The following MARCHF5 variants were observed in gnomAD, a reference collection of about 807,000 sequenced individuals.
MARCHF5 encodes the protein membrane associated ring-CH-type finger 5.
MARCHF5 carries 5 observed loss-of-function variants against 36.5 expected under a neutral mutation model. The ratio of observed to expected loss-of-function variants is 0.14; its 90% CI spans 0.07 to 0.29. The LOEUF is 0.29. MARCHF5 is among the 10% of genes least tolerant of loss of function. The probability of loss-of-function intolerance (pLI) is 1.00; values close to 1 mark genes in which losing one functional copy is unlikely to be tolerated. For synonymous variants in MARCHF5, 103 were observed against 109.9 expected (o/e 0.94, Z 0.39); for missense variants, 179 against 336.3 (o/e 0.53, Z 3.66).
intron 2 of MARCHF5, among the ~76,000 whole-genome samples, chr10:92,328,823 T>A (rs1268996663): frequency 4.2e-4 from 55 of 130,812 alleles, no homozygotes; most frequent in African/African-American, 1.0e-3. Flanking sequence ...ATATATATAT[T>A]TTTTTTTTTT....
intron 3 of MARCHF5, among the ~76,000 whole-genome samples, chr10:92,347,989 C>T (rs1298191656): frequency 1.3e-5 from 2 of 151,592 alleles, no homozygotes; most frequent in Non-Finnish European, 2.9e-5. Flanking sequence ...TCGAGATCAG[C>T]CTGACCAATG....
At chr10:92,349,565 A>G in intron 4 of MARCHF5, 33 bp downstream of exon 4, 1 of 1,600,292 alleles carries the variant, frequency 6.2e-7, no homozygotes, top group Non-Finnish European at 8.5e-7. Flanking sequence ...TAAAGTGCAT[A>G]CCAAATTGAT....
chr10:92,351,194 A>G lies in MARCHF5; in HGVS notation c.824A>G (p.Gln275Arg). ...AHRKILNYPE[Q>R]EEA is the part of the protein sequence containing the mutation. Reference sequence around the variant, plus strand: ...CGCAAAATTCTGAATTATCCAGAACAAGAAGAAGCATAAAACTGACTTCTG... The same window carrying G: ...CGCAAAATTCTGAATTATCCAGAACGAGAAGAAGCATAAAACTGACTTCTG... Residue 275 changes from glutamine to arginine, a missense_variant, in exon 6 of 6, where the codon CAA becomes CGA. By Grantham distance (43) the Gln-to-Arg change is conservative. Coordinates refer to ENST00000358935, the MANE Select transcript of MARCHF5 (RefSeq NM_017824.5). 6.2e-7 allele frequency: 1 copy of G among 1,606,616 alleles called. No individual in the cohort carries two copies. The highest frequency in any genetic ancestry group is 1.1e-5 in the South Asian group (1 of 90,322).
In MARCHF5 at chr10:92,291,276, C is replaced by T; in HGVS notation, c.-219C>T. 3.7e-6 allele frequency: 2 copies of T among 547,450 alleles called. No individual in the cohort carries two copies. The highest frequency in any genetic ancestry group is 3.2e-6 in the Non-Finnish European group (1 of 315,626). 33.9% of individuals were successfully genotyped at this position (547,450 alleles called of 1,614,324 possible). A position where few individuals can be genotyped will look rare whatever the true frequency, so the allele number is the denominator to read the frequency against. On this transcript the variant is annotated 5_prime_UTR_variant, in exon 1 of 6. Coordinates refer to ENST00000358935, the MANE Select transcript of MARCHF5 (RefSeq NM_017824.5). ...CGGGCCGCGATCGCCGCCTCCCCGC[C>T]TCAGGCTCCTCCTCCTCGCTCTCCG...
intron 2 of MARCHF5, 86 bp downstream of exon 2, chr10:92,311,423 T>C (rs1044379790): frequency 2.4e-5 from 21 of 873,946 alleles, no homozygotes; most frequent in Non-Finnish European, 3.4e-5. Context: ...AACCACCTCT[T>C]TTTTTTAGGG....
intron 2 of MARCHF5, among the ~76,000 whole-genome samples, chr10:92,332,889 G>T (rs1341643659): frequency 6.6e-6 from 1 of 151,732 alleles, no homozygotes; most frequent in East Asian, 2.0e-4. Context: ...TGTTGGCCGG[G>T]TGCGGTGGCT....
Position 92,324,853 on chromosome 10 carries a change from CTCTG to C in MARCHF5, c.238+13521_238+13524del, listed in dbSNP as rs577831688. Among the ~76,000 whole-genome samples, 137 of 151,984 alleles carry C rather than the reference CTCTG, an allele frequency of 9.0e-4. 2 individuals carry two copies. Among genetic ancestry groups the C allele is most frequent in the Middle Eastern group, 3.4e-3 (1 of 294 alleles). On this transcript the variant is annotated intron_variant, in intron 2 of 5. Coordinates refer to ENST00000358935, the MANE Select transcript of MARCHF5 (RefSeq NM_017824.5). The stretch of plus-strand genomic sequence containing the variant: ...TATTTCATTGTGATCAGAGAGCATA[CTCTG>C]TCTGATTTTTTAACTATATTAAAAC...
intron 2 of MARCHF5, among the ~76,000 whole-genome samples, chr10:92,317,736 T>C (rs1843229751): frequency 6.6e-6 from 1 of 151,982 alleles, no homozygotes; most frequent in East Asian, 1.9e-4. Flanking sequence ...TTACTTTTTG[T>C]TTCCCAATCT....
Position 92,349,470 on chromosome 10 carries a change from A to G in MARCHF5, c.491A>G (p.Tyr164Cys), listed in dbSNP as rs1843693195. ...GGCAAGATGATTCGCTGGGAGGACT[A>G]TGTGCTTAGACTGTGGCGCAAATAC... ...ILGKMIRWED[Y>C]VLRLWRKYSN... Residue 164 changes from tyrosine to cysteine, a missense_variant, in exon 4 of 6, where the codon TAT becomes TGT. By Grantham distance (194) the Tyr-to-Cys change is radical (BLOSUM62 -2). Around this residue, in one of 3 missense-constraint regions of MARCHF5, gnomAD observed 95 missense variants for 139.5 expected, o/e 0.68. Transcript: ENST00000358935. 1 of 1,614,174 alleles carries G rather than the reference A, an allele frequency of 6.2e-7. No homozygotes were observed. The highest frequency in any genetic ancestry group is 8.5e-7 in the Non-Finnish European group (1 of 1,180,012).
At chr10:92,346,277 TGTTTG>T (rs1165833779) in intron 3 of MARCHF5, among the ~76,000 whole-genome samples, 1 of 152,124 alleles carries the variant, frequency 6.6e-6, no homozygotes, top group Non-Finnish European at 1.5e-5. Context: ...TTTGCACACT[TGTTTG>T]GTTTGATTTT....
chr10:92,343,171 TGTGTA>T (rs988808990), intron 3 of MARCHF5, among the ~76,000 whole-genome samples: 2 of 152,194 alleles, frequency 1.3e-5, no homozygotes, highest in Non-Finnish European at 2.9e-5. Flanking sequence ...ATCCTTATGT[TGTGTA>T]GTTTTTCACC....
intron 2 of MARCHF5, among the ~76,000 whole-genome samples, chr10:92,314,934 T>G (rs1843192387): frequency 6.6e-6 from 1 of 152,170 alleles, no homozygotes; most frequent in Non-Finnish European, 1.5e-5. Flanking sequence ...GCTGCAATTT[T>G]AATTATATTC....
chr10:92,317,288 AGGG>A (rs1843223642), intron 2 of MARCHF5, among the ~76,000 whole-genome samples: 1 of 152,100 alleles, frequency 6.6e-6, no homozygotes. Context: ...TTGTAGAGAC[AGGG>A]TTTCACCACG....
rs1020870311 is a variant in MARCHF5, at chr10:92,351,519, T to TAA, written c.*318_*319dup. ...TGCAAAGATCAAACTGTGCAAATAT[T>TAA]AAAAAAATGCACATGCTGTTTTATT... On this transcript the variant is annotated 3_prime_UTR_variant, in exon 6 of 6. Transcript: ENST00000358935. 6 of 188,006 alleles carry TAA rather than the reference T, an allele frequency of 3.2e-5. No individual in the cohort carries two copies. Among genetic ancestry groups the TAA allele is most frequent in the African/African-American group, 1.4e-4 (6 of 42,790 alleles). The allele number at this position is 188,006 out of a possible 1,614,324, so 11.6% of individuals were successfully genotyped here.
At chr10:92,317,899 C>T (rs907711531) in intron 2 of MARCHF5, among the ~76,000 whole-genome samples, 24 of 151,886 alleles carry the variant, frequency 1.6e-4, no homozygotes, top group Non-Finnish European at 3.1e-4. Flanking sequence ...TACAGGCACA[C>T]GCCACCATGC....
At chr10:92,310,873 A>G (rs982660432) in intron 1 of MARCHF5, among the ~76,000 whole-genome samples, 5 of 152,240 alleles carry the variant, frequency 3.3e-5, no homozygotes, top group African/African-American at 1.2e-4. Flanking sequence ...AAGGTGAAGA[A>G]TTACTGAAAA....
chr10:92,329,522 T>C (rs1425302028), intron 2 of MARCHF5, among the ~76,000 whole-genome samples: 1 of 152,196 alleles, frequency 6.6e-6, no homozygotes, highest in African/African-American at 2.4e-5. Flanking sequence ...ATACTCCCCA[T>C]TGTTTTTCCT....
At chr10:92,316,854 C>G (rs1239814190) in intron 2 of MARCHF5, among the ~76,000 whole-genome samples, 1 of 152,154 alleles carries the variant, frequency 6.6e-6, no homozygotes, top group African/African-American at 2.4e-5. Flanking sequence ...GCAAGAACCA[C>G]CACACCCAGC....
At chr10:92,327,854 A>C (rs1185750326) in intron 2 of MARCHF5, among the ~76,000 whole-genome samples, 1 of 152,160 alleles carries the variant, frequency 6.6e-6, no homozygotes, top group Non-Finnish European at 1.5e-5. Context: ...CCCTTGAAAA[A>C]GCTAGCATAA....
Sources: allele counts gnomAD v4.1 joint callset (sites outside exome capture counted in the v4.1 genomes callset), GRCh38; gene constraint gnomAD v4.1.1; regional missense constraint gnomAD v4.1.1; transcripts MANE v1.5; gene names NCBI Gene and HGNC (gene_info 2026-07-23, HGNC 2026-07-21).